The following TAFA5 variants were observed in gnomAD, a reference collection of about 807,000 sequenced individuals.
The protein encoded by TAFA5 is chemokine-like protein TAFA-5.
A neutral mutation model predicts 15.3 loss-of-function variants in TAFA5; 6 were observed. The ratio of observed to expected loss-of-function variants is 0.39; its 90% CI spans 0.21 to 0.77. The LOEUF is 0.77. TAFA5 is among the 30% of genes least tolerant of loss of function. TAFA5 has a pLI of 0.41. For missense variants in TAFA5, 161 were observed against 193.1 expected (o/e 0.83, Z 0.98); for synonymous variants, 103 against 80.7 (o/e 1.28, Z -1.48).
intron 1 of TAFA5, among the ~76,000 whole-genome samples, chr22:48,607,287 G>T (rs1302827675): frequency 2.1e-5 from 3 of 141,730 alleles, no homozygotes; most frequent in Non-Finnish European, 4.6e-5. Context: ...GCCTGGAGCA[G>T]ATCTGTCCTG....
At chr22:48,573,957 C>T (rs370618336) in intron 1 of TAFA5, among the ~76,000 whole-genome samples, 8 of 152,146 alleles carry the variant, frequency 5.3e-5, no homozygotes, top group South Asian at 2.1e-4. Context: ...AGAAGACCCC[C>T]GAGTCCTCTG....
At chr22:48,661,334 G>A (rs182997951) in intron 2 of TAFA5, among the ~76,000 whole-genome samples, 159 of 152,304 alleles carry the variant, frequency 1.0e-3, no homozygotes, top group African/African-American at 3.6e-3. Flanking sequence ...CTCTCCTTGT[G>A]CCCTTCCCAC....
intron 2 of TAFA5, among the ~76,000 whole-genome samples, chr22:48,702,128 A>AGG (rs1928927557): frequency 9.3e-6 from 1 of 107,650 alleles, no homozygotes; most frequent in African/African-American, 3.5e-5. Context: ...CTTGTGTGTG[A>AGG]GTGTGTGTGT....
Position 48,653,259 on chromosome 22 carries a change from C to T in TAFA5, c.262+6513C>T, listed in dbSNP as rs184957929. Among the ~76,000 whole-genome samples, 114 of 152,292 alleles carry T rather than the reference C, an allele frequency of 7.5e-4. No individual in the cohort carries two copies. In the East Asian group the frequency reaches 0.02, roughly 27 times the overall value. ...TGGATCCAGATGGGGTTGGAGATGC[C>T]CTGGGATGCGGGCACCATGTCCCTC... is the stretch of plus-strand genomic sequence containing the variant. On this transcript the variant is annotated intron_variant, in intron 2 of 3. Coordinates refer to ENST00000402357, the MANE Select transcript of TAFA5 (RefSeq NM_001082967.3).
At chr22:48,511,579 ACT>A (rs1362087204) in intron 1 of TAFA5, among the ~76,000 whole-genome samples, 1 of 151,812 alleles carries the variant, frequency 6.6e-6, no homozygotes, top group African/African-American at 2.4e-5. Flanking sequence ...TCAAGACAAA[ACT>A]CTGTGTTTTC....
At chr22:48,701,956 G>A (rs1383204280) in intron 2 of TAFA5, among the ~76,000 whole-genome samples, 1 of 152,178 alleles carries the variant, frequency 6.6e-6, no homozygotes, top group Non-Finnish European at 1.5e-5. Flanking sequence ...GCGGGAGCTG[G>A]CCTCTGTCTG....
intron 1 of TAFA5, among the ~76,000 whole-genome samples, chr22:48,571,407 T>C (rs899032841): frequency 1.3e-5 from 2 of 150,822 alleles, no homozygotes; most frequent in African/African-American, 4.9e-5. Flanking sequence ...CTGGAGTACC[T>C]GGGATTACAG....
In TAFA5 at chr22:48,627,323, C is replaced by T. The variant is rs141719329; in HGVS notation, c.113-19274C>T. The stretch of plus-strand genomic sequence containing the variant: ...GATGTGTTGTCTCCGTCACTGTCCC[C>T]GGAGCCAGCACGTGCCCGGCAGCTG... On this transcript the variant is annotated intron_variant, in intron 1 of 3. Coordinates refer to ENST00000402357, the MANE Select transcript of TAFA5 (RefSeq NM_001082967.3). 4.9e-3 allele frequency among the ~76,000 whole-genome samples: 750 copies of T among 152,354 alleles called. 6 individuals carry two copies. The highest frequency in any genetic ancestry group is 0.017 in the African/African-American group (689 of 41,590).
intron 2 of TAFA5, among the ~76,000 whole-genome samples, chr22:48,701,382 T>C (rs1928900400): frequency 6.6e-6 from 1 of 152,156 alleles, no homozygotes; most frequent in Non-Finnish European, 1.5e-5. Context: ...GTCCCCACAC[T>C]GAGGACGTGG....
intron 1 of TAFA5, among the ~76,000 whole-genome samples, chr22:48,521,349 C>T (rs552978377): frequency 6.6e-6 from 1 of 152,288 alleles, no homozygotes; most frequent in African/African-American, 2.4e-5. Flanking sequence ...CCCAGGGACC[C>T]CTGGCGTTCA....
At chr22:48,700,976 T>TCC (rs1401743893) in intron 2 of TAFA5, among the ~76,000 whole-genome samples, 2 of 152,092 alleles carry the variant, frequency 1.3e-5, no homozygotes, top group Non-Finnish European at 2.9e-5. Flanking sequence ...CTGCTTCTCG[T>TCC]CCCCCAAGTT....
intron 3 of TAFA5, among the ~76,000 whole-genome samples, chr22:48,731,490 G>C (rs890059421): frequency 2.6e-5 from 4 of 152,224 alleles, no homozygotes; most frequent in South Asian, 2.1e-4. Context: ...AGCACCAGAG[G>C]ACAGGCTGAC....
intron 2 of TAFA5, among the ~76,000 whole-genome samples, chr22:48,704,184 C>T (rs538093041): frequency 3.1e-5 from 4 of 129,412 alleles, no homozygotes. Flanking sequence ...GAGAAACACA[C>T]CCTCAACACA....
intron 2 of TAFA5, among the ~76,000 whole-genome samples, chr22:48,660,961 G>A (rs1286874864): frequency 1.3e-5 from 2 of 151,932 alleles, no homozygotes; most frequent in African/African-American, 4.8e-5. Flanking sequence ...GTGTCTCTTC[G>A]GGGGAAACTC....
At chr22:48,699,669 G>A (rs2147245060) in intron 2 of TAFA5, among the ~76,000 whole-genome samples, 1 of 152,336 alleles carries the variant, frequency 6.6e-6, no homozygotes, top group Non-Finnish European at 1.5e-5. Flanking sequence ...TTATGAGCGG[G>A]TTCCTGATAA....
chr22:48,650,303 C>T (rs565537692), intron 2 of TAFA5, among the ~76,000 whole-genome samples: 1 of 152,268 alleles, frequency 6.6e-6, no homozygotes, highest in East Asian at 1.9e-4. Context: ...TGGTCGGTTT[C>T]TTAATTATTC....
In TAFA5 at chr22:48,692,717, G is replaced by A. The variant is rs537238597; in HGVS notation, c.263-15000G>A. On this transcript the variant is annotated intron_variant, in intron 2 of 3. Transcript: ENST00000402357. ...TCCGCAGAGCTCTCCAGCATGTGGAGTAGTATTTAAAACGCATACGTATCT... is the reference window on the plus strand; with the variant it reads ...TCCGCAGAGCTCTCCAGCATGTGGAATAGTATTTAAAACGCATACGTATCT... 2.6e-5 allele frequency among the ~76,000 whole-genome samples: 4 copies of A among 152,390 alleles called. No individual in the cohort carries two copies. In the East Asian group the frequency reaches 5.8e-4, roughly 22 times the overall value.
chr22:48,575,128 G>C (rs1923718008), intron 1 of TAFA5, among the ~76,000 whole-genome samples: 1 of 152,176 alleles, frequency 6.6e-6, no homozygotes, highest in Non-Finnish European at 1.5e-5. Flanking sequence ...CCTGGGCCTG[G>C]GGTTTCCCTG....
intron 1 of TAFA5, among the ~76,000 whole-genome samples, chr22:48,504,849 G>T (rs376877002): frequency 5.6e-4 from 85 of 152,186 alleles, no homozygotes; most frequent in Non-Finnish European, 5.0e-4. Flanking sequence ...CAGCTGCCAG[G>T]GCAGGGTGGG....
Sources: gnomAD v4.1 joint callset for allele counts (sites outside exome capture counted in the v4.1 genomes callset) on GRCh38, gnomAD v4.1.1 for gene constraint, MANE v1.5 for transcripts, NCBI Gene and HGNC (gene_info 2026-07-23, HGNC 2026-07-21) for gene names.